Variants in CNTNAP2 observed in about 807,000 individuals in gnomAD.
CNTNAP2 encodes the protein contactin associated protein 2.
Under a neutral mutation model 155.2 loss-of-function variants are expected in CNTNAP2, and 98 were observed. The ratio of observed to expected loss-of-function variants is 0.63; its 90% CI spans 0.54 to 0.75. CNTNAP2 has a LOEUF of 0.75. Among genes scored for constraint, CNTNAP2 ranks in the 30% least tolerant of loss-of-function variants. The pLI, the probability that CNTNAP2 is intolerant of heterozygous loss-of-function variation, is 0.00. For missense variants in CNTNAP2, 1,727 were observed against 1,688.1 expected (o/e 1.02, Z -0.40); for synonymous variants, 651 against 631.2 (o/e 1.03, Z -0.47).
intron 1 of CNTNAP2, among the ~76,000 whole-genome samples, chr7:146,756,005 C>T (rs1265055598): frequency 6.6e-6 from 1 of 151,752 alleles, no homozygotes. Flanking sequence ...TTCTAGGCTT[C>T]ATTAGTTGAC....
intron 1 of CNTNAP2, among the ~76,000 whole-genome samples, chr7:146,740,147 T>C (rs769069196): frequency 6.6e-6 from 1 of 152,072 alleles, no homozygotes; most frequent in Non-Finnish European, 1.5e-5. Context: ...CTTGTCATTC[T>C]TTATTTTTTT....
intron 8 of CNTNAP2, among the ~76,000 whole-genome samples, chr7:147,201,472 A>G (rs1035258616): frequency 6.6e-6 from 1 of 152,140 alleles, no homozygotes; most frequent in African/African-American, 2.4e-5. Context: ...TCTCATAGTT[A>G]TTATATTCTT....
intron 8 of CNTNAP2, among the ~76,000 whole-genome samples, chr7:147,213,262 T>A (rs1803196541): frequency 2.6e-5 from 4 of 152,180 alleles, no homozygotes; most frequent in Admixed American, 2.6e-4. Flanking sequence ...TCTCTTCGTC[T>A]CTTTGTTCTA....
chr7:147,287,627 C>T (rs1235594593), intron 8 of CNTNAP2, among the ~76,000 whole-genome samples: 1 of 152,090 alleles, frequency 6.6e-6, no homozygotes, highest in African/African-American at 2.4e-5. Flanking sequence ...TCATGACATA[C>T]GATTTGTATC....
chr7:148,077,070 G>T lies in CNTNAP2; in HGVS notation c.2384-41048G>T, dbSNP rs950186879. 2.2e-4 allele frequency among the ~76,000 whole-genome samples: 33 copies of T among 152,240 alleles called. 2 individuals are homozygous for T. The highest frequency in any genetic ancestry group is 1.7e-3 in the East Asian group (9 of 5,152). ...CGTCTGTAATCCCAGCACTTTGGGA[G>T]GCCAAGGCGGGTGGCTCACCTGAGG... On this transcript the variant is annotated intron_variant, in intron 15 of 23. Transcript: ENST00000361727.
In CNTNAP2 at chr7:147,043,944, G is replaced by A. The variant is rs1064794785; in HGVS notation, c.440G>A (p.Arg147Gln). The A allele has an allele frequency of 2.1e-5, 34 of 1,613,964 alleles. No individual in the cohort carries two copies. The highest frequency in any genetic ancestry group is 2.6e-5 in the Non-Finnish European group (31 of 1,180,020). ...AACATTAACTCTGACGGTGTGGTCC[G>A]GCACGAATTACAGCATCCGATTATT... ...PGNINSDGVV[R>Q]HELQHPIIAR... Residue 147 changes from arginine (R) to glutamine (Q), a missense_variant, in exon 4 of 24, where the codon CGG becomes CAG. Coordinates refer to ENST00000361727, the MANE Select transcript of CNTNAP2 (RefSeq NM_014141.6).
At chr7:146,446,380 T>C (rs1377732640) in intron 1 of CNTNAP2, among the ~76,000 whole-genome samples, 3 of 148,764 alleles carry the variant, frequency 2.0e-5, no homozygotes, top group South Asian at 2.1e-4. Context: ...CTTCTACACA[T>C]TCTACAATAT....
chr7:146,624,429 G>A (rs1452786548), intron 1 of CNTNAP2, among the ~76,000 whole-genome samples: 1 of 151,822 alleles, frequency 6.6e-6, no homozygotes, highest in African/African-American at 2.4e-5. Context: ...TATAGTTGGT[G>A]TCTGTTATTT....
intron 13 of CNTNAP2, among the ~76,000 whole-genome samples, chr7:147,899,972 T>C (rs1229755687): frequency 2.0e-5 from 3 of 152,156 alleles, no homozygotes; most frequent in Non-Finnish European, 2.9e-5. Context: ...TTCTTTCCAC[T>C]GCCTACCACG....
intron 12 of CNTNAP2, among the ~76,000 whole-genome samples, chr7:147,630,316 T>TAAAAAAAAAAA (rs71183024): frequency 7.1e-4 from 52 of 72,984 alleles, no homozygotes; most frequent in South Asian, 1.6e-3. Flanking sequence ...GAAACAGTAG[T>TAAAAAAAAAAA]AAAAAAAAAA....
At chr7:146,721,142 T>C (rs1258032928) in intron 1 of CNTNAP2, among the ~76,000 whole-genome samples, 1 of 132,898 alleles carries the variant, frequency 7.5e-6, no homozygotes, top group Non-Finnish European at 1.5e-5. Flanking sequence ...TATATTCTCT[T>C]TATATATTCT....
chr7:147,487,114 G>A (rs1159452946), intron 11 of CNTNAP2, among the ~76,000 whole-genome samples: 4 of 152,118 alleles, frequency 2.6e-5, no homozygotes, highest in Admixed American at 2.6e-4. Context: ...CCTTTCCATT[G>A]TGTTATTTGT....
At chr7:147,780,624 T>A (rs887064084) in intron 13 of CNTNAP2, among the ~76,000 whole-genome samples, 5 of 152,248 alleles carry the variant, frequency 3.3e-5, no homozygotes, top group Non-Finnish European at 5.9e-5. Flanking sequence ...TCATTGCTAC[T>A]GTCAGCAAGT....
rs796604591 is a variant in CNTNAP2 at position 147,868,729 on chromosome 7, T to A, written c.2099-34836T>A. On this transcript the variant is annotated intron_variant, in intron 13 of 23. Coordinates refer to ENST00000361727, the MANE Select transcript of CNTNAP2 (RefSeq NM_014141.6). ...GCTGCCTTGCAGTTTGATCTCAGAC[T>A]GCTGCGCTAGCAGTGAGCAAGGCTC... Among the ~76,000 whole-genome samples, 49 of 152,358 alleles carry A rather than the reference T, an allele frequency of 3.2e-4. 1 individual carries two copies. The highest frequency in any genetic ancestry group is 1.0e-3 in the African/African-American group (42 of 41,594).
intron 21 of CNTNAP2, among the ~76,000 whole-genome samples, chr7:148,355,183 T>TTTTTTTTC (rs1798491373): frequency 8.9e-6 from 1 of 111,884 alleles, no homozygotes; most frequent in Admixed American, 1.0e-4. Context: ...TTTTTTTTTT[T>TTTTTTTTC]TTTTTTTTTT....
chr7:147,343,472 A>G (rs2116863895), intron 9 of CNTNAP2, among the ~76,000 whole-genome samples: 1 of 152,158 alleles, frequency 6.6e-6, no homozygotes. Context: ...ACTATCTTGG[A>G]GCCTCATTTT....
chr7:147,944,827 CTGAG>C (rs1355068711), intron 14 of CNTNAP2, among the ~76,000 whole-genome samples: 1 of 152,176 alleles, frequency 6.6e-6, no homozygotes, highest in Non-Finnish European at 1.5e-5. Flanking sequence ...CCAATGTTGG[CTGAG>C]TTATGTTTAT....
chr7:146,792,784 C>T (rs1455066632), intron 2 of CNTNAP2, among the ~76,000 whole-genome samples: 2 of 152,124 alleles, frequency 1.3e-5, no homozygotes, highest in African/African-American at 4.8e-5. Flanking sequence ...CAGGTGGCAT[C>T]TGAGTATTAA....
intron 1 of CNTNAP2, among the ~76,000 whole-genome samples, chr7:146,483,390 A>T (rs1334836921): frequency 6.9e-6 from 1 of 145,082 alleles, no homozygotes; most frequent in Non-Finnish European, 1.5e-5. Flanking sequence ...ATTGATACAC[A>T]TTCATTGTTA....
Sources: gnomAD v4.1 joint callset for allele counts (sites outside exome capture counted in the v4.1 genomes callset) on GRCh38, gnomAD v4.1.1 for gene constraint, MANE v1.5 for transcripts, NCBI Gene and HGNC (gene_info 2026-07-23, HGNC 2026-07-21) for gene names.